Variants in SUGT1 observed in about 807,000 individuals in gnomAD.
SUGT1 encodes protein SGT1 homolog.
Under a neutral mutation model 56.1 loss-of-function variants are expected in SUGT1, and 15 were observed. That is an observed-to-expected ratio of 0.27 (90% confidence interval 0.18 to 0.41). The LOEUF (loss-of-function observed/expected upper bound fraction) is 0.41, where lower values mean the gene tolerates loss of function less well. Among genes scored for constraint, SUGT1 ranks in the 10% least tolerant of loss-of-function variants. SUGT1 has a pLI of 1.00. For missense variants in SUGT1, 347 were observed against 382.2 expected, an observed-to-expected ratio of 0.91 and a Z score of 0.77; for synonymous variants, 123 against 128.6, an observed-to-expected ratio of 0.96 and a Z score of 0.30.
chr13:52,659,092 G>T, intron 4 of SUGT1, 87 bp from the exon 5 acceptor site: 1 of 1,090,718 alleles, frequency 9.2e-7, no homozygotes, highest in Non-Finnish European at 1.3e-6. Flanking sequence ...TCTTTCAACA[G>T]TAGAAAATAC....
In SUGT1 at chr13:52,653,085, C is replaced by T. The variant is rs1961986394; in HGVS notation, c.78C>T (p.Asp26=). The change falls in exon 2 of 13, where the codon GAC becomes GAT. Residue 26 remains aspartate, a synonymous_variant. Coordinates refer to ENST00000310528, the MANE Select transcript of SUGT1 (RefSeq NM_006704.5). ...QSFSDALIDE[D]PQAALEELTK... Reference sequence around the variant, plus strand: ...TCTCGGATGCCCTAATCGACGAGGACCCCCAGGCGGCGTTAGAGGTGAGAG... The same window carrying T: ...TCTCGGATGCCCTAATCGACGAGGATCCCCAGGCGGCGTTAGAGGTGAGAG... 5 of 1,614,134 alleles carry T rather than the reference C, an allele frequency of 3.1e-6. No individual in the cohort carries two copies. Among genetic ancestry groups the T allele is most frequent in the South Asian group, 1.1e-5 (1 of 91,062 alleles).
chr13:52,680,625 C>T (rs879492206), intron 12 of SUGT1, among the ~76,000 whole-genome samples: 1 of 152,122 alleles, frequency 6.6e-6, no homozygotes, highest in Admixed American at 6.5e-5. Context: ...AATTAGACCT[C>T]AAAATTTTAG....
chr13:52,655,486 C>G (rs977562086), intron 2 of SUGT1, among the ~76,000 whole-genome samples: 5 of 152,128 alleles, frequency 3.3e-5, no homozygotes, highest in Non-Finnish European at 5.9e-5. Context: ...GGAGGAGGCA[C>G]AAGGGATAGT....
intron 10 of SUGT1, among the ~76,000 whole-genome samples, chr13:52,672,694 T>A (rs9536229): frequency 0.036 from 5,452 of 152,314 alleles, 129 homozygotes; most frequent in South Asian, 0.064. Context: ...TTGCCCCAGC[T>A]CTTTAGTCTC....
chr13:52,677,951 T>C (rs567756041), intron 11 of SUGT1, among the ~76,000 whole-genome samples: 22 of 152,302 alleles, frequency 1.4e-4, no homozygotes, highest in African/African-American at 5.1e-4. Context: ...ACCTTAGATA[T>C]TCAAGATGAT....
intron 5 of SUGT1, among the ~76,000 whole-genome samples, chr13:52,660,158 T>C (rs1416794902): frequency 6.6e-6 from 1 of 152,044 alleles, no homozygotes; most frequent in Non-Finnish European, 1.5e-5. Flanking sequence ...ATCTGAAAAA[T>C]ACTAAGAGGT....
chr13:52,678,591 A>T (rs4885887), intron 11 of SUGT1, among the ~76,000 whole-genome samples: 1 of 152,168 alleles, frequency 6.6e-6, no homozygotes, highest in African/African-American at 2.4e-5. Context: ...ACTAGTCTGC[A>T]TTGAGATGAT....
chr13:52,662,641 C>T lies in SUGT1; in HGVS notation c.329-8C>T, dbSNP rs770012608. ...TGAGTGATGTTATAGTCAGTTTTTT[C>T]TTTCTAGGTGCAGATGCTAATTTCA... On this transcript the variant is annotated splice_polypyrimidine_tract_variant and splice_region_variant and intron_variant, in intron 5 of 12. Coordinates refer to ENST00000310528, the MANE Select transcript of SUGT1 (RefSeq NM_006704.5). The T allele has an allele frequency of 6.2e-7, 1 of 1,613,512 alleles. No homozygotes were observed. The highest frequency in any genetic ancestry group is 8.5e-7 in the Non-Finnish European group (1 of 1,179,666).
At position 52,696,884 on chromosome 13, in the gene SUGT1, ACTAAT is replaced by A. The variant is rs1308737295; in HGVS notation, c.*9051_*9055del. ...TGTTAGAGGTAGTAACAGTTATATA[ACTAAT>A]CAAAACCAGTGTGATATCCAAGTAC... On this transcript the variant is annotated 3_prime_UTR_variant, in exon 13 of 13. Coordinates refer to ENST00000310528, the MANE Select transcript of SUGT1 (RefSeq NM_006704.5). 2 of 148,244 alleles carry A rather than the reference ACTAAT, an allele frequency of 1.3e-5. No individual in the cohort carries two copies. Among genetic ancestry groups the A allele is most frequent in the Non-Finnish European group, 3.0e-5 (2 of 67,402 alleles). 9.2% of individuals were successfully genotyped at this position (148,244 alleles called of 1,614,324 possible). A position where few individuals can be genotyped will look rare whatever the true frequency, so the allele number is the denominator to read the frequency against.
rs140436355 is a variant in SUGT1, at chr13:52,661,682, A to G, written c.329-967A>G. ...TGTTACCTTTTCCCCTCTTTGTGTG[A>G]TAAATTGCTTGGTTTTAGTTACTGA... is the stretch of plus-strand genomic sequence containing the variant. On this transcript the variant is annotated intron_variant, in intron 5 of 12. Coordinates refer to ENST00000310528, the MANE Select transcript of SUGT1 (RefSeq NM_006704.5). 239 of 322,782 alleles carry G rather than the reference A, an allele frequency of 7.4e-4. 1 individual carries two copies. The highest frequency in any genetic ancestry group is 2.4e-3 in the Middle Eastern group (5 of 2,112). 20.0% of individuals were successfully genotyped at this position (322,782 alleles called of 1,614,324 possible).
intron 8 of SUGT1, among the ~76,000 whole-genome samples, chr13:52,664,421 A>G (rs981811725): frequency 2.0e-5 from 3 of 152,150 alleles, no homozygotes; most frequent in African/African-American, 7.2e-5. Flanking sequence ...TTTGGAGCAA[A>G]TTTTTCATAG....
At chr13:52,663,399 C>T (rs565293759) in intron 7 of SUGT1, among the ~76,000 whole-genome samples, 1 of 152,000 alleles carries the variant, frequency 6.6e-6, no homozygotes, top group African/African-American at 2.4e-5. Flanking sequence ...TTACTAAAAC[C>T]TTATTGCATT....
At chr13:52,677,339 T>G (rs1456268595) in intron 11 of SUGT1, among the ~76,000 whole-genome samples, 2 of 152,168 alleles carry the variant, frequency 1.3e-5, no homozygotes, top group African/African-American at 2.4e-5. Context: ...AAGTAGTCTG[T>G]GGTATAATTT....
chr13:52,673,854 C>T (rs1017775431), intron 10 of SUGT1, among the ~76,000 whole-genome samples: 1 of 152,134 alleles, frequency 6.6e-6, no homozygotes, highest in African/African-American at 2.4e-5. Context: ...GTGTCATTGC[C>T]ATCTATTTGA....
chr13:52,658,738 CTTTTTT>C (rs59712858), intron 4 of SUGT1, among the ~76,000 whole-genome samples: 1 of 127,752 alleles, frequency 7.8e-6, no homozygotes, highest in African/African-American at 3.0e-5. Flanking sequence ...TTTCACATTG[CTTTTTT>C]TTTTTTTTTT....
chr13:52,663,998 T>G (rs1383743410), intron 7 of SUGT1, 37 bp from the exon 8 acceptor site: 1 of 1,607,780 alleles, frequency 6.2e-7, no homozygotes, highest in African/African-American at 1.3e-5. Context: ...GTAAAAATCT[T>G]TCTCTTTCAA....
At chr13:52,667,124 G>A (rs1173397411) in intron 10 of SUGT1, among the ~76,000 whole-genome samples, 1 of 152,136 alleles carries the variant, frequency 6.6e-6, no homozygotes, top group Non-Finnish European at 1.5e-5. Flanking sequence ...CACTTAGAGT[G>A]TGTGGCATTT....
chr13:52,679,914 ATAT>A, intron 11 of SUGT1, 57 bp from the exon 12 acceptor site: 1 of 1,494,914 alleles, frequency 6.7e-7, no homozygotes, highest in Non-Finnish European at 8.9e-7. Context: ...CAAAGTTTAC[ATAT>A]TCTCGACATA....
intron 2 of SUGT1, 29 bp from the exon 3 acceptor site, chr13:52,657,503 A>T (rs1483056769): frequency 1.3e-6 from 2 of 1,592,492 alleles, no homozygotes; most frequent in Non-Finnish European, 1.7e-6. Context: ...ACAAACTTTT[A>T]CTGACGCTCC....
Sources: gnomAD v4.1 joint callset for allele counts (sites outside exome capture counted in the v4.1 genomes callset) on GRCh38, gnomAD v4.1.1 for gene constraint, MANE v1.5 for transcripts, NCBI Gene and HGNC (gene_info 2026-07-23, HGNC 2026-07-21) for gene names.